Variants in ZNRF3 observed in about 807,000 individuals in gnomAD.
ZNRF3 encodes zinc and ring finger 3.
Under a neutral mutation model 72.5 loss-of-function variants are expected in ZNRF3, and 23 were observed. The ratio of observed to expected loss-of-function variants is 0.32; its 90% CI spans 0.23 to 0.45. The LOEUF (loss-of-function observed/expected upper bound fraction) is 0.45. Ranked by LOEUF, ZNRF3 falls within the 20% of genes least tolerant of loss-of-function variation. ZNRF3 has a pLI of 1.00. For missense variants in ZNRF3, 1,169 were observed against 1,272.1 expected (o/e 0.92, Z 1.23); for synonymous variants, 610 against 545.3 (o/e 1.12, Z -1.65).
intron 1 of ZNRF3, among the ~76,000 whole-genome samples, chr22:28,907,324 G>A (rs898145057): frequency 6.6e-6 from 1 of 152,098 alleles, no homozygotes; most frequent in Non-Finnish European, 1.5e-5. Flanking sequence ...AAATGCCAAG[G>A]TGCCAAATGG....
intron 2 of ZNRF3, among the ~76,000 whole-genome samples, chr22:29,007,562 A>C (rs1291426198): frequency 1.3e-5 from 2 of 151,942 alleles, no homozygotes; most frequent in African/African-American, 4.8e-5. Flanking sequence ...GGATCGTTTG[A>C]GGCTGCAGTG....
intron 1 of ZNRF3, among the ~76,000 whole-genome samples, chr22:28,959,237 T>G (rs2035313462): frequency 6.6e-6 from 1 of 152,208 alleles, no homozygotes. Context: ...AAGTGTCCCC[T>G]TAGCTGTGGA....
intron 1 of ZNRF3, among the ~76,000 whole-genome samples, chr22:28,934,160 G>A (rs1418094846): frequency 6.6e-6 from 1 of 152,160 alleles, no homozygotes. Flanking sequence ...CTCCTCTGGA[G>A]TGCTTTCTTT....
intron 1 of ZNRF3, among the ~76,000 whole-genome samples, chr22:28,893,500 CTTT>C (rs796094872): frequency 7.0e-6 from 1 of 141,852 alleles, no homozygotes; most frequent in Non-Finnish European, 1.5e-5. Flanking sequence ...CTTTCTTTTT[CTTT>C]TTTTTTTTTT....
At chr22:29,012,087 A>G (rs2036357627) in intron 2 of ZNRF3, among the ~76,000 whole-genome samples, 1 of 152,226 alleles carries the variant, frequency 6.6e-6, no homozygotes, top group Non-Finnish European at 1.5e-5. Context: ...TTGCTAGCCA[A>G]GTTGGATCTT....
intron 1 of ZNRF3, among the ~76,000 whole-genome samples, chr22:28,945,750 G>A (rs376667818): frequency 3.2e-4 from 49 of 151,978 alleles, no homozygotes; most frequent in African/African-American, 1.1e-3. Flanking sequence ...GGATGGTCTC[G>A]ATCTCTTGAC....
intron 1 of ZNRF3, among the ~76,000 whole-genome samples, chr22:28,967,754 C>G (rs1273503781): frequency 6.6e-6 from 1 of 151,352 alleles, no homozygotes; most frequent in Non-Finnish European, 1.5e-5. Context: ...TAGTGAAACC[C>G]ATCTCTACAA....
chr22:29,028,489 T>C (rs1278213505), intron 2 of ZNRF3, among the ~76,000 whole-genome samples: 1 of 152,240 alleles, frequency 6.6e-6, no homozygotes, highest in Non-Finnish European at 1.5e-5. Context: ...AATACTTACA[T>C]AAGCTATTAA....
chr22:28,939,952 A>T (rs933531107), intron 1 of ZNRF3, among the ~76,000 whole-genome samples: 14 of 152,184 alleles, frequency 9.2e-5, no homozygotes, highest in Non-Finnish European at 1.5e-4. Context: ...AATGAATTAT[A>T]TCTTGATATA....
intron 1 of ZNRF3, among the ~76,000 whole-genome samples, chr22:28,924,058 C>G (rs554595172): frequency 3.3e-5 from 5 of 152,396 alleles, no homozygotes; most frequent in Non-Finnish European, 5.9e-5. Flanking sequence ...GCCAGTGGAG[C>G]AGCCCGGATT....
chr22:28,979,226 A>C (rs1383152066), intron 1 of ZNRF3, among the ~76,000 whole-genome samples: 2 of 152,152 alleles, frequency 1.3e-5, no homozygotes, highest in African/African-American at 4.8e-5. Flanking sequence ...AATCTGTGGG[A>C]GTCCCTGTGC....
intron 1 of ZNRF3, among the ~76,000 whole-genome samples, chr22:28,950,379 A>G (rs2123794393): frequency 6.6e-6 from 1 of 152,300 alleles, no homozygotes; most frequent in East Asian, 1.9e-4. Flanking sequence ...GTTGTCTGAG[A>G]CTGGTAGCAT....
chr22:28,885,626 G>T (rs530091311), intron 1 of ZNRF3, among the ~76,000 whole-genome samples: 2 of 148,916 alleles, frequency 1.3e-5, no homozygotes, highest in African/African-American at 2.5e-5. Flanking sequence ...ACGCTCTAGC[G>T]TGGCACTTGA....
intron 1 of ZNRF3, among the ~76,000 whole-genome samples, chr22:28,969,356 C>T (rs902238967): frequency 6.6e-6 from 1 of 152,102 alleles, no homozygotes; most frequent in Non-Finnish European, 1.5e-5. Context: ...ATAATTTACA[C>T]CTTTCATTTT....
intron 2 of ZNRF3, among the ~76,000 whole-genome samples, chr22:29,037,641 C>T (rs547465382): frequency 6.6e-6 from 1 of 152,306 alleles, no homozygotes; most frequent in East Asian, 1.9e-4. Context: ...CAAGTGTTTG[C>T]TCTTTTGCTA....
chr22:28,925,800 C>G lies in ZNRF3; in HGVS notation c.300+41734C>G, dbSNP rs993717242. On this transcript the variant is annotated intron_variant, in intron 1 of 8. Transcript: ENST00000544604. ...CTGAACTCAGGTGATTCTCCTACCT[C>G]GTGATGGGTTTTTGATATTTGAAAA... is the stretch of plus-strand genomic sequence containing the variant. Among the ~76,000 whole-genome samples, 3 of 152,110 alleles carry G rather than the reference C, an allele frequency of 2.0e-5. No homozygotes were observed. In the South Asian group the frequency reaches 6.2e-4, roughly 32 times the overall value.
intron 2 of ZNRF3, among the ~76,000 whole-genome samples, chr22:28,999,086 G>A (rs1267787380): frequency 6.6e-6 from 1 of 151,826 alleles, no homozygotes; most frequent in African/African-American, 2.4e-5. Flanking sequence ...GAGAGGCAGA[G>A]GTGGGCGGAT....
intron 2 of ZNRF3, among the ~76,000 whole-genome samples, chr22:29,010,555 A>G (rs546707083): frequency 1.1e-4 from 17 of 152,176 alleles, no homozygotes; most frequent in Non-Finnish European, 2.1e-4. Context: ...TAATGCTACC[A>G]TATATATTCT....
At chr22:28,944,698 T>A (rs1365506208) in intron 1 of ZNRF3, among the ~76,000 whole-genome samples, 2 of 144,472 alleles carry the variant, frequency 1.4e-5, no homozygotes, top group Non-Finnish European at 3.0e-5. Context: ...GAGGTTGCAG[T>A]GAGCCAAGAT....
Sources: gnomAD v4.1 joint callset for allele counts (sites outside exome capture counted in the v4.1 genomes callset) on GRCh38, gnomAD v4.1.1 for gene constraint, MANE v1.5 for transcripts, NCBI Gene and HGNC (gene_info 2026-07-23, HGNC 2026-07-21) for gene names.